The following TENM4 variants were observed in gnomAD, a reference collection of about 807,000 sequenced individuals.
The protein encoded by TENM4 is teneurin transmembrane protein 4.
A neutral mutation model predicts 243.3 loss-of-function variants in TENM4; 82 were observed. That is an observed-to-expected ratio of 0.34 (90% CI 0.28 to 0.40). TENM4 has a LOEUF of 0.40. TENM4 is among the 10% of genes least tolerant of loss of function. The pLI is 1.00. For synonymous variants in TENM4, 1,412 were observed against 1,456.3 expected (o/e 0.97, Z 0.69); for missense variants, 3,138 against 3,673.3 (o/e 0.85, Z 3.77).
chr11:79,200,573 G>A (rs1404955829), intron 3 of TENM4, among the ~76,000 whole-genome samples: 1 of 152,174 alleles, frequency 6.6e-6, no homozygotes, highest in Non-Finnish European at 1.5e-5. Flanking sequence ...TCACTGTGTG[G>A]CCAGGCCTGG....
chr11:78,899,571 G>GGGGGAAAAAA (rs1565430077), intron 7 of TENM4, among the ~76,000 whole-genome samples: 1 of 79,378 alleles, frequency 1.3e-5, no homozygotes, highest in East Asian at 6.0e-4. Context: ...GGGGGGGGGG[G>GGGGGAAAAAA]AAAAAGAAAA....
chr11:78,734,422 TG>T (rs1372707337), intron 20 of TENM4, among the ~76,000 whole-genome samples: 1 of 151,936 alleles, frequency 6.6e-6, no homozygotes, highest in Non-Finnish European at 1.5e-5. Flanking sequence ...ATGAGGAGAT[TG>T]CTATATCCAC....
chr11:79,374,247 A>G (rs1387868550), intron 1 of TENM4, among the ~76,000 whole-genome samples: 2 of 152,138 alleles, frequency 1.3e-5, no homozygotes, highest in Non-Finnish European at 2.9e-5. Flanking sequence ...CTATTAATAC[A>G]TAATTAATAG....
At chr11:78,720,155 G>T (rs371232887) in intron 25 of TENM4, among the ~76,000 whole-genome samples, 1 of 152,130 alleles carries the variant, frequency 6.6e-6, no homozygotes, top group Non-Finnish European at 1.5e-5. Flanking sequence ...CAAAGTAACT[G>T]CCTCACTTTG....
At chr11:78,998,873 C>T (rs11606948) in intron 6 of TENM4, among the ~76,000 whole-genome samples, 67,164 of 152,088 alleles carry the variant, frequency 0.44, 19,177 homozygotes, top group African/African-American at 0.82. Context: ...GGTTCCAGAC[C>T]ATTCTCATAC....
chr11:78,856,148 C>G lies in TENM4; in HGVS notation c.1286G>C (p.Ser429Thr), dbSNP rs1242052542. 4 of 1,551,538 alleles carry G rather than the reference C, an allele frequency of 2.6e-6. No individual in the cohort carries two copies. Among genetic ancestry groups the G allele is most frequent in the Non-Finnish European group, 3.5e-6 (4 of 1,146,994 alleles). Reference sequence around the variant, plus strand: ...ATCAATTTCTCCAGAATCTATGAAACTGTCCTCTGGAAAGAAACTACTGGG... The same window carrying G: ...ATCAATTTCTCCAGAATCTATGAAAGTGTCCTCTGGAAAGAAACTACTGGG... Reference protein sequence around the residue: ...GKPSSFFPEDSFIDSGEIDVG... With the variant: ...GKPSSFFPEDTFIDSGEIDVG... The change falls in exon 11 of 34, where the codon AGT (serine) becomes ACT (threonine). Residue 429 changes from serine (S) to threonine (T), a missense_variant. Around this residue, in one of 2 missense-constraint regions of TENM4, gnomAD observed 671 missense variants for 614.1 expected, o/e 1.09. Transcript: ENST00000278550.
At chr11:78,687,785 G>T (rs1451444712) in intron 29 of TENM4, among the ~76,000 whole-genome samples, 1 of 152,170 alleles carries the variant, frequency 6.6e-6, no homozygotes, top group Non-Finnish European at 1.5e-5. Context: ...TGGCAGAATA[G>T]CGAGGTCACC....
rs1044320493 is a variant in TENM4, at chr11:79,199,700, C to T, written c.-163+16108G>A. On this transcript the variant is annotated intron_variant, in intron 3 of 33. Transcript: ENST00000278550. ...TGTGGTGCCCTTGTAGTCTAAGAAT[C>T]CACAATTCTACTCATCTGTAATCTC... Among the ~76,000 whole-genome samples the T allele has an allele frequency of 2.6e-5, 4 of 152,180 alleles. No individual in the cohort carries two copies. The East Asian group carries it at 7.7e-4, about 29-fold the overall frequency.
rs567092714 is a variant in TENM4 at position 79,256,690 on chromosome 11, G to A, written c.-264-40781C>T. Among the ~76,000 whole-genome samples the A allele has an allele frequency of 6.3e-4, 96 of 152,290 alleles. 1 individual carries two copies. Among genetic ancestry groups the A allele is most frequent in the African/African-American group, 2.1e-3 (89 of 41,568 alleles). ...GTTAGGAATCCTGCTGTTTATCAAT[G>A]ACTTTGTCTCTTGGATTTTAACTTT... On this transcript the variant is annotated intron_variant, in intron 2 of 33. Transcript: ENST00000278550.
chr11:79,391,595 GT>G (rs946590991), intron 1 of TENM4, among the ~76,000 whole-genome samples: 7 of 152,136 alleles, frequency 4.6e-5, no homozygotes, highest in South Asian at 2.1e-4. Flanking sequence ...AAAAGGTTGG[GT>G]TTTTTTTATA....
intron 15 of TENM4, among the ~76,000 whole-genome samples, chr11:78,794,086 C>T (rs912871812): frequency 2.6e-5 from 4 of 152,250 alleles, no homozygotes; most frequent in African/African-American, 9.6e-5. Flanking sequence ...ATCAGCCCAT[C>T]TATCTGTCCA....
intron 4 of TENM4, among the ~76,000 whole-genome samples, chr11:79,071,035 A>C (rs1320077685): frequency 6.6e-6 from 1 of 152,046 alleles, no homozygotes; most frequent in African/African-American, 2.4e-5. Flanking sequence ...GGAAGCTCCT[A>C]ATAGCCCTTT....
chr11:79,440,849 G>C lies in TENM4; in HGVS notation c.-661C>G, dbSNP rs932320814. 1 of 135,536 alleles carries C rather than the reference G, an allele frequency of 7.4e-6. No individual in the cohort carries two copies. The highest frequency in any genetic ancestry group is 2.9e-5 in the African/African-American group (1 of 34,364). 8.4% of individuals were successfully genotyped at this position (135,536 alleles called of 1,614,324 possible). On this transcript the variant is annotated 5_prime_UTR_variant, in exon 1 of 34. Transcript: ENST00000278550. The surrounding 1 kb of genome is among the most constrained non-coding windows in gnomAD (Gnocchi z 4.7). ...GGGGGGTTGGGGCGGGTGTGTGCGCGCGCGTGTGTGAGTGTGTGTGTGTGT... is the reference window on the plus strand; with the variant it reads ...GGGGGGTTGGGGCGGGTGTGTGCGCCCGCGTGTGTGAGTGTGTGTGTGTGT...
At chr11:78,951,038 C>T (rs111252681) in intron 6 of TENM4, among the ~76,000 whole-genome samples, 22 of 152,252 alleles carry the variant, frequency 1.4e-4, no homozygotes, top group Non-Finnish European at 2.9e-4. Flanking sequence ...TTGCTTGTCT[C>T]CTCCCACATC....
rs528625514 is a variant in TENM4 at position 78,880,034 on chromosome 11, G to A, written c.1084+9751C>T. ...AGCAAAGGGGGAAATGCAGGGAAAA[G>A]AAAGAGAGATCAGATTGTTACTGTG... On this transcript the variant is annotated intron_variant, in intron 9 of 33. Transcript: ENST00000278550. 9.2e-5 allele frequency among the ~76,000 whole-genome samples: 14 copies of A among 152,250 alleles called. No homozygotes were observed. In the South Asian group the frequency reaches 2.9e-3, roughly 32 times the overall value.
intron 1 of TENM4, among the ~76,000 whole-genome samples, chr11:79,362,515 G>A (rs1226798525): frequency 2.0e-5 from 3 of 152,178 alleles, no homozygotes; most frequent in African/African-American, 7.2e-5. Flanking sequence ...TGCTTTTCCA[G>A]GCAAGGTGTT....
intron 1 of TENM4, among the ~76,000 whole-genome samples, chr11:79,316,494 A>G (rs1479306093): frequency 6.6e-6 from 1 of 152,218 alleles, no homozygotes; most frequent in Non-Finnish European, 1.5e-5. Context: ...AGTTGTACAG[A>G]GAAGACTGGG....
Position 78,864,123 on chromosome 11 carries a change from T to C in TENM4, c.1085-991A>G, listed in dbSNP as rs371447264. On this transcript the variant is annotated intron_variant, in intron 9 of 33. Coordinates refer to ENST00000278550, the MANE Select transcript of TENM4 (RefSeq NM_001098816.3). Reference sequence around the variant, plus strand: ...AATGTATAAAATATTTCTGGTAGAATATGAAAGACTGGTAACAGTAGCTGT... The same window carrying C: ...AATGTATAAAATATTTCTGGTAGAACATGAAAGACTGGTAACAGTAGCTGT... Among the ~76,000 whole-genome samples, 370 of 152,264 alleles carry C rather than the reference T, an allele frequency of 2.4e-3. 2 individuals carry two copies. Among genetic ancestry groups the C allele is most frequent in the Admixed American group, 5.2e-3 (80 of 15,296 alleles).
At chr11:78,840,657 CTCT>C (rs1858237393) in intron 12 of TENM4, among the ~76,000 whole-genome samples, 1 of 152,210 alleles carries the variant, frequency 6.6e-6, no homozygotes, top group Non-Finnish European at 1.5e-5. Flanking sequence ...TTGGTATATA[CTCT>C]TCCGCCCAGA....
Sources: allele counts gnomAD v4.1 joint callset (sites outside exome capture counted in the v4.1 genomes callset), GRCh38; gene constraint gnomAD v4.1.1; regional missense constraint gnomAD v4.1.1; non-coding constraint Gnocchi (gnomAD v3.1); transcripts MANE v1.5; gene names NCBI Gene and HGNC (gene_info 2026-07-23, HGNC 2026-07-21).